The following CNTN5 variants were observed in gnomAD, a reference collection of about 807,000 sequenced individuals.
CNTN5 encodes the protein contactin 5, also known as contactin-5.
A neutral mutation model predicts 129.1 loss-of-function variants in CNTN5; 77 were observed. The ratio of observed to expected loss-of-function variants is 0.60; its 90% CI spans 0.50 to 0.72. The LOEUF (loss-of-function observed/expected upper bound fraction) is 0.72. Ranked by LOEUF, CNTN5 falls within the 30% of genes least tolerant of loss-of-function variation. The pLI is 0.00. For missense variants in CNTN5, 1,478 were observed against 1,328.8 expected (o/e 1.11, Z -1.75); for synonymous variants, 509 against 465.6 (o/e 1.09, Z -1.20).
At chr11:99,936,146 T>A (rs1950311557) in intron 7 of CNTN5, among the ~76,000 whole-genome samples, 1 of 152,166 alleles carries the variant, frequency 6.6e-6, no homozygotes, top group Non-Finnish European at 1.5e-5. Context: ...TAAGGCACAG[T>A]CATTATTTTT....
At chr11:99,831,726 A>C (rs1947146699) in intron 4 of CNTN5, among the ~76,000 whole-genome samples, 1 of 152,180 alleles carries the variant, frequency 6.6e-6, no homozygotes, top group Non-Finnish European at 1.5e-5. Context: ...ATTGCATGTC[A>C]CAATGTGATC....
intron 3 of CNTN5, among the ~76,000 whole-genome samples, chr11:99,702,694 A>G (rs1055236939): frequency 1.3e-5 from 2 of 151,068 alleles, no homozygotes; most frequent in African/African-American, 4.8e-5. Context: ...ATACTTACAT[A>G]TATGAAAGCC....
At chr11:99,929,721 C>A (rs1422058321) in intron 7 of CNTN5, among the ~76,000 whole-genome samples, 1 of 152,300 alleles carries the variant, frequency 6.6e-6, no homozygotes, top group Non-Finnish European at 1.5e-5. Context: ...TTATCCTCCA[C>A]TGGTTCCCTC....
At chr11:99,503,878 A>G (rs527631354) in intron 2 of CNTN5, among the ~76,000 whole-genome samples, 1 of 152,212 alleles carries the variant, frequency 6.6e-6, no homozygotes, top group South Asian at 2.1e-4. Context: ...ATTATTCAAT[A>G]AATATGAACC....
chr11:99,212,974 G>A (rs1371044434), intron 1 of CNTN5, among the ~76,000 whole-genome samples: 3 of 151,742 alleles, frequency 2.0e-5, no homozygotes, highest in African/African-American at 4.8e-5. Context: ...GGTGGATCAC[G>A]AAGTCAGGAG....
intron 2 of CNTN5, among the ~76,000 whole-genome samples, chr11:99,439,716 A>AAG: frequency 6.7e-6 from 1 of 148,766 alleles, no homozygotes; most frequent in South Asian, 2.1e-4. Context: ...TCAAAAAAAA[A>AAG]AAAAAAAAAG....
chr11:99,569,519 G>T (rs528939381), intron 3 of CNTN5, among the ~76,000 whole-genome samples: 1 of 152,026 alleles, frequency 6.6e-6, no homozygotes, highest in African/African-American at 2.4e-5. Context: ...TCATCATGTT[G>T]GCCAGGCTGG....
At chr11:99,599,837 A>G (rs1179891688) in intron 3 of CNTN5, among the ~76,000 whole-genome samples, 1 of 152,214 alleles carries the variant, frequency 6.6e-6, no homozygotes, top group Non-Finnish European at 1.5e-5. Context: ...GGAAAATGAC[A>G]GATTTACAAA....
At chr11:99,928,491 C>T (rs1171809304) in intron 7 of CNTN5, among the ~76,000 whole-genome samples, 1 of 152,216 alleles carries the variant, frequency 6.6e-6, no homozygotes, top group East Asian at 1.9e-4. Flanking sequence ...GGTTCCCAAA[C>T]CTCAATTCTT....
intron 4 of CNTN5, among the ~76,000 whole-genome samples, chr11:99,833,674 C>T (rs1012954122): frequency 1.3e-5 from 2 of 152,100 alleles, no homozygotes; most frequent in Non-Finnish European, 2.9e-5. Flanking sequence ...AACTGAAGAG[C>T]ATCTGTACTA....
At chr11:99,718,924 C>T (rs1263785211) in intron 3 of CNTN5, among the ~76,000 whole-genome samples, 1 of 152,080 alleles carries the variant, frequency 6.6e-6, no homozygotes, top group Non-Finnish European at 1.5e-5. Flanking sequence ...GAGCATTATT[C>T]TCCTCAAGGA....
chr11:99,052,109 T>C (rs1864449357), intron 1 of CNTN5, among the ~76,000 whole-genome samples: 1 of 151,866 alleles, frequency 6.6e-6, no homozygotes, highest in Non-Finnish European at 1.5e-5. Context: ...CAGAACAAAG[T>C]GTATGATATT....
At chr11:99,667,309 G>GCAA (rs1952833602) in intron 3 of CNTN5, among the ~76,000 whole-genome samples, 1 of 116,698 alleles carries the variant, frequency 8.6e-6, no homozygotes, top group Non-Finnish European at 1.9e-5. Flanking sequence ...AATAAATTTT[G>GCAA]TAAATAGCTT....
intron 2 of CNTN5, among the ~76,000 whole-genome samples, chr11:99,398,773 C>G (rs1178021400): frequency 6.6e-6 from 1 of 151,754 alleles, no homozygotes. Flanking sequence ...TCTTTGGTTG[C>G]CTTCAGTTTT....
chr11:99,733,033 T>C (rs891859830), intron 3 of CNTN5, among the ~76,000 whole-genome samples: 2 of 151,906 alleles, frequency 1.3e-5, no homozygotes, highest in African/African-American at 4.8e-5. Flanking sequence ...CCTGGAACAG[T>C]GAAAGTCCTT....
intron 9 of CNTN5, among the ~76,000 whole-genome samples, chr11:100,052,989 A>G (rs1396405817): frequency 6.6e-6 from 1 of 151,712 alleles, no homozygotes; most frequent in Non-Finnish European, 1.5e-5. Flanking sequence ...GCTGAAACAA[A>G]TGGATATCAC....
At chr11:99,583,907 C>T (rs1229175933) in intron 3 of CNTN5, among the ~76,000 whole-genome samples, 1 of 152,126 alleles carries the variant, frequency 6.6e-6, no homozygotes, top group Non-Finnish European at 1.5e-5. Context: ...CACCCATCTT[C>T]TGCATGGCTC....
intron 1 of CNTN5, among the ~76,000 whole-genome samples, chr11:99,123,856 T>C (rs1418246071): frequency 6.6e-6 from 1 of 152,112 alleles, no homozygotes; most frequent in African/African-American, 2.4e-5. Flanking sequence ...CAGGTGGTTG[T>C]AGGTGTGTAG....
At chr11:99,822,085 C>T (rs755214636) in intron 4 of CNTN5, among the ~76,000 whole-genome samples, 3 of 152,044 alleles carry the variant, frequency 2.0e-5, no homozygotes, top group Non-Finnish European at 4.4e-5. Context: ...GAGAGTAAAG[C>T]TGAGGTTGAC....
Sources: allele counts gnomAD v4.1 joint callset (sites outside exome capture counted in the v4.1 genomes callset), GRCh38; gene constraint gnomAD v4.1.1; transcripts MANE v1.5; gene names NCBI Gene and HGNC (gene_info 2026-07-23, HGNC 2026-07-21).